ARHGAP4: variants seen among roughly 807,000 people sequenced by gnomAD.
ARHGAP4 encodes the protein rho GTPase-activating protein 4.
A neutral mutation model predicts 67.6 loss-of-function variants in ARHGAP4; 25 were observed. The ratio of observed to expected loss-of-function variants is 0.37; its 90% CI spans 0.27 to 0.52. The LOEUF (loss-of-function observed/expected upper bound fraction) is 0.52, where lower values mean the gene tolerates loss of function less well. ARHGAP4 is among the 20% of genes least tolerant of loss of function. The pLI is 0.92. For missense variants in ARHGAP4, 804 were observed against 854.6 expected (o/e 0.94, Z 0.74); for synonymous variants, 448 against 373.7 (o/e 1.20, Z -2.29).
chrX:153,912,074 G>A (rs1557103395), intron 12 of ARHGAP4, among the ~76,000 whole-genome samples: 1 of 109,337 alleles, frequency 9.1e-6, no homozygotes, highest in Admixed American at 9.7e-5. Flanking sequence ...ATGCTTGCTT[G>A]CTTCTTTTCT....
rs941901715 is a variant in ARHGAP4, at chrX:153,911,030, G to A, written c.1604-31C>T. 3.4e-6 allele frequency: 4 copies of A among 1,165,256 alleles called. No individual in the cohort carries two copies. In the Admixed American group the frequency reaches 1.0e-4, roughly 30 times the overall value. On this transcript the variant is annotated intron_variant, in intron 13 of 21. Coordinates refer to ENST00000350060, the MANE Select transcript of ARHGAP4 (RefSeq NM_001666.5). ...GGAGGACAAGGAGCTGGTGGGCACT[G>A]AGCATCTTCCCCAGCCCCTCCAGGA... is the stretch of plus-strand genomic sequence containing the variant.
chrX:153,920,116 A>G (rs1455979783), intron 5 of ARHGAP4, among the ~76,000 whole-genome samples: 1 of 111,882 alleles, frequency 8.9e-6, no homozygotes, highest in Non-Finnish European at 1.9e-5. Flanking sequence ...GCAGCCAGGG[A>G]GACCTTCCCC....
intron 5 of ARHGAP4, chrX:153,919,798 T>G: frequency 1.2e-6 from 1 of 843,580 alleles, no homozygotes; most frequent in Non-Finnish European, 1.6e-6. Flanking sequence ...TTTTATTTTT[T>G]TTTTTTGAGA....
At chrX:153,919,955 T>C (rs1293764641) in intron 5 of ARHGAP4, among the ~76,000 whole-genome samples, 2 of 110,518 alleles carry the variant, frequency 1.8e-5, no homozygotes, top group Non-Finnish European at 3.8e-5. Context: ...CCCGGCTAAT[T>C]TTTGTATTTT....
At position 153,907,798 on chromosome X, in the gene ARHGAP4, G is replaced by A. The variant is rs1310985249; in HGVS notation, c.2772C>T (p.Gly924=). The change falls in exon 22 of 22, where the codon GGC becomes GGT. Residue 924 remains glycine (G), a synonymous_variant. Transcript: ENST00000350060. ...CTGAGGGTGAGGCTGGGGCCCCAGG[G>A]CCCCGGGAGAAGCCTTTGTTCCTGC... ...RLGRNKGFSR[G]PGAPASPSAS... The A allele has an allele frequency of 2.0e-6, 2 of 1,008,597 alleles. No homozygotes were observed. Among genetic ancestry groups the A allele is most frequent in the Non-Finnish European group, 2.5e-6 (2 of 787,907 alleles). 83.1% of individuals were successfully genotyped at this position (1,008,597 alleles called of 1,213,427 possible).
At chrX:153,912,124 C>CCT (rs782231079) in intron 12 of ARHGAP4, among the ~76,000 whole-genome samples, 8 of 104,030 alleles carry the variant, frequency 7.7e-5, no homozygotes, top group East Asian at 3.0e-4. Flanking sequence ...TCTTTCCTTC[C>CCT]CTCTCTCTCT....
At chrX:153,922,246 G>T in intron 1 of ARHGAP4, 1 of 819,198 alleles carries the variant, frequency 1.2e-6, no homozygotes, top group Non-Finnish European at 1.5e-6. Context: ...GCAAACACAC[G>T]GATACACAAC....
chrX:153,920,049 T>A (rs1267686073), intron 5 of ARHGAP4, among the ~76,000 whole-genome samples: 1 of 111,816 alleles, frequency 8.9e-6, no homozygotes, highest in Admixed American at 9.4e-5. Context: ...CCTCCCAAAA[T>A]GCTAGGATTA....
At chrX:153,922,348 A>G (rs1557105545) in intron 1 of ARHGAP4, 2 of 757,362 alleles carry the variant, frequency 2.6e-6, no homozygotes, top group African/African-American at 4.6e-5. Context: ...AGGGGAAAGG[A>G]CAGTCCACAG....
chrX:153,921,855 G>C (rs782501766), intron 1 of ARHGAP4, 46 bp from the exon 2 acceptor site: 2 of 1,136,471 alleles, frequency 1.8e-6, no homozygotes, highest in South Asian at 2.0e-5. Context: ...CGCCCTGCCT[G>C]GGTCAGCCAG....
chrX:153,915,709 C>T (rs1033030333), intron 7 of ARHGAP4, among the ~76,000 whole-genome samples: 7 of 112,318 alleles, frequency 6.2e-5, no homozygotes, highest in African/African-American at 2.3e-4. Context: ...ATGGCTTGAG[C>T]CCAGGAGTTG....
Position 153,909,522 on chromosome X carries a change from C to T in ARHGAP4, c.2428G>A (p.Val810Met), listed in dbSNP as rs1557102193. 3 of 1,207,075 alleles carry T rather than the reference C, an allele frequency of 2.5e-6. No homozygotes were observed. The highest frequency in any genetic ancestry group is 4.4e-5 in the Admixed American group (2 of 45,605). ...GCAGTCTGCAGCCCTGCGCCCACCA[C>T]CTGCTTCTCCGTCCTGCGGTGGGAA... is the stretch of plus-strand genomic sequence containing the variant. The part of the protein sequence containing the change: ...ITLPAGTEKQ[V>M]VGAGLQTAGE... The change falls in exon 20 of 22, where the codon GTG becomes ATG. Residue 810 changes from valine (V) to methionine (M), a missense_variant. By Grantham distance (21) the Val-to-Met change is conservative. Around this residue, in one of 2 missense-constraint regions of ARHGAP4, gnomAD observed 400 missense variants for 348.7 expected, o/e 1.15. Transcript: ENST00000350060.
intron 13 of ARHGAP4, 23 bp downstream of exon 13, chrX:153,911,106 G>A (rs373784037): frequency 1.0e-4 from 122 of 1,165,663 alleles, no homozygotes; most frequent in Middle Eastern, 2.3e-4. Flanking sequence ...CCAGGACATC[G>A]GGAGGGGCTG....
At chrX:153,908,064 C>G (rs1195960242) in intron 21 of ARHGAP4, 102 bp from the exon 22 acceptor site, 1 of 680,776 alleles carries the variant, frequency 1.5e-6, no homozygotes, top group Non-Finnish European at 2.0e-6. Context: ...AAGCCCTCAG[C>G]CAACATCCCC....
At chrX:153,920,924 A>T in intron 4 of ARHGAP4, 116 bp from the exon 5 acceptor site, 1 of 1,037,935 alleles carries the variant, frequency 9.6e-7, no homozygotes, top group Non-Finnish European at 1.3e-6. Context: ...ATCCCATGTG[A>T]GCACTTAGCC....
chrX:153,919,711 G>C, intron 5 of ARHGAP4: 3 of 1,120,156 alleles, frequency 2.7e-6, no homozygotes, highest in Admixed American at 6.2e-5. Context: ...GTACCCCAAA[G>C]GGTAGGGATA....
At chrX:153,923,119 G>A (rs1187433223) in intron 1 of ARHGAP4, among the ~76,000 whole-genome samples, 6 of 111,048 alleles carry the variant, frequency 5.4e-5, no homozygotes, top group Admixed American at 9.6e-5. Context: ...GCTGGACTCC[G>A]AGTGAGAGAG....
intron 1 of ARHGAP4, 24 bp downstream of exon 1, chrX:153,926,112 C>A: frequency 8.3e-7 from 1 of 1,200,800 alleles, no homozygotes. Flanking sequence ...GGAAACGGGC[C>A]GGGAGCGCCC....
At chrX:153,909,234 T>C in intron 20 of ARHGAP4, 65 bp from the exon 21 acceptor site, 1 of 1,031,394 alleles carries the variant, frequency 9.7e-7, no homozygotes, top group Non-Finnish European at 1.3e-6. Flanking sequence ...GGGCAGTGGC[T>C]CCTCCCATCC....
Sources: gnomAD v4.1 joint callset for allele counts (sites outside exome capture counted in the v4.1 genomes callset) on GRCh38, gnomAD v4.1.1 for gene constraint, gnomAD v4.1.1 regional missense constraint, MANE v1.5 for transcripts, NCBI Gene and HGNC (gene_info 2026-07-23, HGNC 2026-07-21) for gene names.